The following M1AP variants were observed in gnomAD, a reference collection of about 807,000 sequenced individuals.
The protein encoded by M1AP is meiosis 1 arrest protein.
Under a neutral mutation model 51.2 loss-of-function variants are expected in M1AP, and 39 were observed. That is an observed-to-expected ratio of 0.76 (90% CI 0.59 to 1.00). The LOEUF (loss-of-function observed/expected upper bound fraction) is 1.00. Ranked by LOEUF, M1AP falls within the 50% of genes least tolerant of loss-of-function variation. The pLI is 0.00. For missense variants in M1AP, 545 were observed against 641.2 expected, an observed-to-expected ratio of 0.85 and a Z score of 1.62; for synonymous variants, 251 against 249.2, an observed-to-expected ratio of 1.01 and a Z score of -0.07.
intron 4 of M1AP, among the ~76,000 whole-genome samples, chr2:74,606,409 A>C (rs569940734): frequency 6.6e-6 from 1 of 152,336 alleles, no homozygotes; most frequent in African/African-American, 2.4e-5. Flanking sequence ...AATTGTTTAC[A>C]TTAGTGATTA....
At chr2:74,564,711 T>A (rs1244271782) in intron 7 of M1AP, among the ~76,000 whole-genome samples, 1 of 152,050 alleles carries the variant, frequency 6.6e-6, no homozygotes, top group East Asian at 1.9e-4. Flanking sequence ...AATCATGGTG[T>A]GTGTGTATGT....
chr2:74,596,042 A>G (rs114456923), intron 4 of M1AP, among the ~76,000 whole-genome samples: 2,740 of 152,356 alleles, frequency 0.018, 40 homozygotes, highest in Middle Eastern at 0.034. Context: ...ATAATCCAAA[A>G]GAAAGCAGGA....
chr2:74,596,729 C>T (rs773164736), intron 4 of M1AP, among the ~76,000 whole-genome samples: 16 of 152,114 alleles, frequency 1.1e-4, no homozygotes, highest in Non-Finnish European at 2.2e-4. Flanking sequence ...TAGAAATATC[C>T]ATTAATACAT....
rs1197969468 is a variant in M1AP at position 74,632,256 on chromosome 2, TGG to T, written c.240+7778_240+7779del. On this transcript the variant is annotated intron_variant, in intron 2 of 10. Transcript: ENST00000421985. ...AAAGCTGCCTTTGCCACACCAGACT[TGG>T]TGCACAGCCAATGCACTGCAGTCTC... 8.5e-5 allele frequency among the ~76,000 whole-genome samples: 13 copies of T among 152,322 alleles called. No homozygotes were observed. In the East Asian group the frequency reaches 2.5e-3, roughly 29 times the overall value.
intron 4 of M1AP, among the ~76,000 whole-genome samples, chr2:74,586,087 T>G (rs1440927760): frequency 6.6e-6 from 1 of 152,222 alleles, no homozygotes; most frequent in Admixed American, 6.5e-5. Context: ...TGTTGAGATA[T>G]TGCCATCCTT....
At chr2:74,600,271 T>C (rs1680603264) in intron 4 of M1AP, among the ~76,000 whole-genome samples, 2 of 152,252 alleles carry the variant, frequency 1.3e-5, no homozygotes, top group Admixed American at 6.5e-5. Context: ...AGAAACTATT[T>C]AGAACAGAAA....
At chr2:74,636,421 T>C (rs1682994634) in intron 2 of M1AP, among the ~76,000 whole-genome samples, 1 of 152,162 alleles carries the variant, frequency 6.6e-6, no homozygotes, top group African/African-American at 2.4e-5. Flanking sequence ...AGCCCTTTCT[T>C]TTAATTGATG....
chr2:74,606,568 T>C (rs559168733), intron 4 of M1AP, among the ~76,000 whole-genome samples: 2 of 152,168 alleles, frequency 1.3e-5, no homozygotes, highest in South Asian at 4.1e-4. Context: ...ATATTGAGTG[T>C]TAATTAAAAT....
intron 3 of M1AP, among the ~76,000 whole-genome samples, chr2:74,613,632 G>A (rs1420217587): frequency 2.6e-5 from 4 of 152,154 alleles, no homozygotes; most frequent in South Asian, 4.1e-4. Flanking sequence ...TAAAATCCCA[G>A]GAGGTTAAGG....
At chr2:74,559,823 C>T in intron 9 of M1AP, 114 bp from the exon 10 acceptor site, 1 of 694,140 alleles carries the variant, frequency 1.4e-6, no homozygotes, top group Non-Finnish European at 2.7e-6. Flanking sequence ...CTTTTCCCAC[C>T]TTTCCTTCAG....
intron 5 of M1AP, chr2:74,576,921 T>C (rs1679108024): frequency 9.0e-7 from 1 of 1,111,078 alleles, no homozygotes; most frequent in East Asian, 5.5e-5. Flanking sequence ...AGTTGTCTCA[T>C]AGTGAGACAT....
chr2:74,573,920 C>T (rs772029355), intron 7 of M1AP, among the ~76,000 whole-genome samples: 2 of 152,150 alleles, frequency 1.3e-5, no homozygotes, highest in African/African-American at 2.4e-5. Flanking sequence ...AAATTCCTCC[C>T]ATGTGATGTA....
intron 1 of M1AP, among the ~76,000 whole-genome samples, chr2:74,646,075 T>C (rs1201975722): frequency 2.0e-5 from 3 of 152,226 alleles, no homozygotes; most frequent in Admixed American, 1.3e-4. Context: ...AGCGTACTGA[T>C]ATAATATAGT....
chr2:74,644,492 C>G (rs898936855), intron 1 of M1AP, among the ~76,000 whole-genome samples: 2 of 150,820 alleles, frequency 1.3e-5, no homozygotes, highest in Non-Finnish European at 2.9e-5. Flanking sequence ...GAGCCAAGAT[C>G]GCGCCATTGC....
chr2:74,615,257 T>C lies in M1AP; in HGVS notation c.241-108A>G, dbSNP rs1478096951. 5 of 996,748 alleles carry C rather than the reference T, an allele frequency of 5.0e-6. No homozygotes were observed. The East Asian group carries it at 1.0e-4, about 20-fold the overall frequency. The allele number at this position is 996,748 out of a possible 1,614,324, so 61.7% of individuals were successfully genotyped here. A position where few individuals can be genotyped will look rare whatever the true frequency, so the allele number is the denominator to read the frequency against. On this transcript the variant is annotated intron_variant, in intron 2 of 10. Transcript: ENST00000421985. ...ATTCCTCAGAAGTTCCTTCCCTTCC[T>C]GAAAATTTATTTGACCAACATCTAC...
At chr2:74,647,990 C>G in intron 1 of M1AP, 1 of 984,824 alleles carries the variant, frequency 1.0e-6, no homozygotes, top group Non-Finnish European at 1.2e-6. Context: ...GGCGGATCAG[C>G]AGCCCGGCCC....
chr2:74,631,722 T>C (rs930079173), intron 2 of M1AP, among the ~76,000 whole-genome samples: 1 of 152,152 alleles, frequency 6.6e-6, no homozygotes, highest in Non-Finnish European at 1.5e-5. Context: ...GGGAAATGAA[T>C]CATTCTGGTT....
intron 3 of M1AP, among the ~76,000 whole-genome samples, chr2:74,608,836 A>G (rs991111233): frequency 1.3e-5 from 2 of 152,210 alleles, no homozygotes; most frequent in African/African-American, 4.8e-5. Context: ...CTGATGACAT[A>G]TGATGTGGAG....
At chr2:74,562,501 T>G in intron 7 of M1AP, 78 bp from the exon 8 acceptor site, 1 of 1,521,174 alleles carries the variant, frequency 6.6e-7, no homozygotes, top group Non-Finnish European at 9.0e-7. Context: ...AATTGAAGTT[T>G]CCCTGACTTC....
Sources: gnomAD v4.1 joint callset for allele counts (sites outside exome capture counted in the v4.1 genomes callset) on GRCh38, gnomAD v4.1.1 for gene constraint, MANE v1.5 for transcripts, NCBI Gene and HGNC (gene_info 2026-07-23, HGNC 2026-07-21) for gene names.